PDE1A: variants seen among roughly 807,000 people sequenced by gnomAD.
PDE1A encodes phosphodiesterase 1A.
A neutral mutation model predicts 61.7 loss-of-function variants in PDE1A; 35 were observed. The observed-to-expected ratio is 0.57, with a 90% CI of 0.43 to 0.75. The LOEUF (loss-of-function observed/expected upper bound fraction) is 0.75. Among genes scored for constraint, PDE1A ranks in the 30% least tolerant of loss-of-function variants. The pLI is 0.00. For synonymous variants in PDE1A, 232 were observed against 213.2 expected, an observed-to-expected ratio of 1.09 and a Z score of -0.77; for missense variants, 597 against 630.6, an observed-to-expected ratio of 0.95 and a Z score of 0.57.
chr2:182,442,370 C>T (rs1347118809), intron 2 of PDE1A, among the ~76,000 whole-genome samples: 2 of 151,960 alleles, frequency 1.3e-5, no homozygotes, highest in Admixed American at 6.6e-5. Context: ...GAACTGACAA[C>T]TAAATGCAAT....
chr2:182,596,079 C>A, the PDE1A span, among the ~76,000 whole-genome samples: 4 of 152,284 alleles, frequency 2.6e-5, no homozygotes, highest in African/African-American at 7.2e-5. Flanking sequence ...AAAACAGCAA[C>A]AACAACAACC....
chr2:182,215,041 A>G (rs1320947628), intron 7 of PDE1A, among the ~76,000 whole-genome samples: 1 of 89,092 alleles, frequency 1.1e-5, no homozygotes, highest in East Asian at 3.1e-4. Context: ...CAAATGTAAA[A>G]GAACAGAAAT....
chr2:182,283,626 C>G (rs1693969382), intron 1 of PDE1A, among the ~76,000 whole-genome samples: 1 of 151,826 alleles, frequency 6.6e-6, no homozygotes, highest in African/African-American at 2.4e-5. Flanking sequence ...TTGAGTTTTA[C>G]AAAGATACAA....
At chr2:182,494,536 T>C (rs1160043860) in intron 2 of PDE1A, among the ~76,000 whole-genome samples, 2 of 151,428 alleles carry the variant, frequency 1.3e-5, no homozygotes, top group African/African-American at 4.9e-5. Context: ...TATGGTTTTC[T>C]TCCCATTGTC....
the PDE1A span, among the ~76,000 whole-genome samples, chr2:182,530,720 TAAAGAA>T: frequency 6.6e-6 from 1 of 151,562 alleles, no homozygotes; most frequent in African/African-American, 2.4e-5. Context: ...CAATAACAGA[TAAAGAA>T]AAACTAAAAG....
intron 1 of PDE1A, among the ~76,000 whole-genome samples, chr2:182,388,617 G>A (rs1361116689): frequency 1.3e-5 from 2 of 151,976 alleles, no homozygotes; most frequent in Non-Finnish European, 2.9e-5. Context: ...AATATTTTAA[G>A]ACAAATGAAA....
the PDE1A span, among the ~76,000 whole-genome samples, chr2:182,653,989 T>C: frequency 3.9e-5 from 6 of 152,194 alleles, no homozygotes; most frequent in Admixed American, 1.3e-4. Context: ...AATGAAATGA[T>C]CTGTGAAATA....
chr2:182,694,465 C>T, the PDE1A span, among the ~76,000 whole-genome samples: 4 of 152,134 alleles, frequency 2.6e-5, no homozygotes, highest in African/African-American at 4.8e-5. Flanking sequence ...TCTACAGAAG[C>T]GGTAACGAAG....
the PDE1A span, among the ~76,000 whole-genome samples, chr2:182,607,847 T>C: frequency 1.3e-5 from 2 of 151,608 alleles, no homozygotes; most frequent in Non-Finnish European, 2.9e-5. Context: ...TAAGTGGGAG[T>C]GAATAAAGGG....
At chr2:182,313,176 G>T (rs574842586) in intron 1 of PDE1A, among the ~76,000 whole-genome samples, 63 of 152,296 alleles carry the variant, frequency 4.1e-4, no homozygotes, top group African/African-American at 1.5e-3. Flanking sequence ...CACTTTGGGA[G>T]GCCGAGGCAG....
At chr2:182,465,141 TG>T (rs754254459) in intron 2 of PDE1A, among the ~76,000 whole-genome samples, 2 of 152,146 alleles carry the variant, frequency 1.3e-5, no homozygotes, top group Non-Finnish European at 2.9e-5. Context: ...AAAGGAACAG[TG>T]CCTTTATTTC....
the PDE1A span, among the ~76,000 whole-genome samples, chr2:182,574,266 G>A: frequency 6.6e-6 from 1 of 152,036 alleles, no homozygotes; most frequent in Non-Finnish European, 1.5e-5. Flanking sequence ...GCCTTCTCCA[G>A]CCCACTGACT....
chr2:182,527,990 C>A (rs1041408298), upstream of PDE1A, among the ~76,000 whole-genome samples: 9 of 152,224 alleles, frequency 5.9e-5, no homozygotes, highest in Non-Finnish European at 1.2e-4. Flanking sequence ...ATAAATTACC[C>A]AGTCTCAGGT....
chr2:182,515,633 C>A (rs1690084576), intron 2 of PDE1A, among the ~76,000 whole-genome samples: 1 of 152,104 alleles, frequency 6.6e-6, no homozygotes, highest in Non-Finnish European at 1.5e-5. Flanking sequence ...TTCTTCAAAA[C>A]AAATTATGAT....
intron 2 of PDE1A, among the ~76,000 whole-genome samples, chr2:182,515,818 G>A (rs1690095201): frequency 6.6e-6 from 1 of 152,138 alleles, no homozygotes; most frequent in Non-Finnish European, 1.5e-5. Context: ...TGAGGAAACT[G>A]GTGTTTTGGG....
At chr2:182,408,777 G>A (rs747087796) in intron 1 of PDE1A, among the ~76,000 whole-genome samples, 2 of 152,160 alleles carry the variant, frequency 1.3e-5, no homozygotes, top group South Asian at 4.2e-4. Flanking sequence ...GGGCTTAAAT[G>A]TTACCAACAA....
Position 182,147,111 on chromosome 2 carries a change from C to T in PDE1A, c.1558G>A (p.Ala520Thr), listed in dbSNP as rs758647375. The T allele has an allele frequency of 6.8e-6, 11 of 1,608,850 alleles. No individual in the cohort carries two copies. The highest frequency in any genetic ancestry group is 1.7e-5 in the Admixed American group (1 of 59,806). Residue 520 changes from alanine (A) to threonine (T), a missense_variant, in exon 14 of 14, where the codon GCT becomes ACT. Physicochemically the swap from Ala to Thr is moderately conservative, Grantham distance 58. Transcript: ENST00000409365. ...TGTGTCTCATCATGTTTTTCTTCAGCATTTACTAAGTCTTCTGAGTTCTTA... is the reference window on the plus strand; with the variant it reads ...TGTGTCTCATCATGTTTTTCTTCAGTATTTACTAAGTCTTCTGAGTTCTTA...
intron 2 of PDE1A, chr2:182,241,908 T>C (rs1337491652): frequency 1.3e-6 from 2 of 1,533,842 alleles, no homozygotes; most frequent in Non-Finnish European, 1.7e-6. Flanking sequence ...TTTATCTTTT[T>C]GCCCATTTGA....
At chr2:182,376,297 A>G (rs1700400785) in intron 1 of PDE1A, among the ~76,000 whole-genome samples, 1 of 152,030 alleles carries the variant, frequency 6.6e-6, no homozygotes, top group Non-Finnish European at 1.5e-5. Context: ...CACCCAAGTC[A>G]CCTCTTGAAT....
Sources: allele counts gnomAD v4.1 joint callset (sites outside exome capture counted in the v4.1 genomes callset), GRCh38; gene constraint gnomAD v4.1.1; transcripts MANE v1.5; gene names NCBI Gene and HGNC (gene_info 2026-07-23, HGNC 2026-07-21).